Variants in VCP observed in about 807,000 individuals in gnomAD.
VCP encodes the protein valosin containing protein, also known as transitional endoplasmic reticulum ATPase.
Under a neutral mutation model 85.7 loss-of-function variants are expected in VCP, and 6 were observed. The ratio of observed to expected loss-of-function variants is 0.07; its 90% CI spans 0.04 to 0.14. The LOEUF (loss-of-function observed/expected upper bound fraction) is 0.14, where lower values mean the gene tolerates loss of function less well. Ranked by LOEUF, VCP falls within the 10% of genes least tolerant of loss-of-function variation. VCP has a pLI of 1.00. For missense variants in VCP, 353 were observed against 1,043.4 expected (o/e 0.34, Z 9.12); for synonymous variants, 384 against 367.1 (o/e 1.05, Z -0.53).
intron 15 of VCP, among the ~76,000 whole-genome samples, chr9:35,058,835 T>A (rs1445821366): frequency 6.6e-6 from 1 of 152,208 alleles, no homozygotes; most frequent in Non-Finnish European, 1.5e-5. Context: ...TACTTTGATT[T>A]CCCTCATGGA....
At position 35,066,836 on chromosome 9, in the gene VCP, C is replaced by T. The variant is rs1414768838; in HGVS notation, c.303-19G>A. 6 of 1,613,552 alleles carry T rather than the reference C, an allele frequency of 3.7e-6. No individual in the cohort carries two copies. The highest frequency in any genetic ancestry group is 2.2e-5 in the South Asian group (2 of 91,082). ...CTGGATGCTGAGGATGACAAGCAGA[C>T]TCCATATTACCAACCACACTTCGGG... On this transcript the variant is annotated intron_variant, in intron 3 of 16. Transcript: ENST00000358901.
chr9:35,063,202 C>CA, intron 6 of VCP, 122 bp from the exon 7 acceptor site: 1 of 840,760 alleles, frequency 1.2e-6, no homozygotes, highest in South Asian at 1.4e-5. Flanking sequence ...AGAATAAGCC[C>CA]TCCGCAGTAA....
chr9:35,072,166 C>T lies in VCP; in HGVS notation c.17+171G>A, dbSNP rs1261200719. On this transcript the variant is annotated intron_variant, in intron 1 of 16. Transcript: ENST00000358901. ...GGGGCGCGCGGGTGCGCAGCTGGCC[C>T]CAGCCGGGCCTGCCGGGTCCACGGC... is the stretch of plus-strand genomic sequence containing the variant. 2.1e-6 allele frequency: 3 copies of T among 1,410,802 alleles called. No homozygotes were observed. In the East Asian group the frequency reaches 9.4e-5, roughly 44 times the overall value. The allele number at this position is 1,410,802 out of a possible 1,614,324, so 87.4% of individuals were successfully genotyped here. A position where few individuals can be genotyped will look rare whatever the true frequency, so the allele number is the denominator to read the frequency against.
At chr9:35,066,258 C>G (rs1828827876) in intron 4 of VCP, among the ~76,000 whole-genome samples, 2 of 130,786 alleles carry the variant, frequency 1.5e-5, no homozygotes, top group South Asian at 5.1e-4. Context: ...TAGTGAGACC[C>G]TGTCTCTTTT....
At chr9:35,063,934 G>A (rs1205295457) in intron 6 of VCP, among the ~76,000 whole-genome samples, 1 of 152,176 alleles carries the variant, frequency 6.6e-6, no homozygotes, top group Non-Finnish European at 1.5e-5. Flanking sequence ...TGTTTTGTGC[G>A]CACACGCACA....
chr9:35,063,800 G>A (rs1041761307), intron 6 of VCP, among the ~76,000 whole-genome samples: 1 of 152,124 alleles, frequency 6.6e-6, no homozygotes, highest in Non-Finnish European at 1.5e-5. Flanking sequence ...ACTTCTACTG[G>A]GTGACATTGC....
intron 11 of VCP, 36 bp from the exon 12 acceptor site, chr9:35,060,959 C>G (rs1192712546): frequency 6.2e-7 from 1 of 1,614,022 alleles, no homozygotes; most frequent in East Asian, 2.2e-5. Context: ...TGAGACTTAT[C>G]AAGGGAGGGG....
At chr9:35,068,840 TATA>T (rs144026671) in intron 1 of VCP, among the ~76,000 whole-genome samples, 3,539 of 152,302 alleles carry the variant, frequency 0.023, 158 homozygotes, top group African/African-American at 0.08. Context: ...AAAGAAGGAA[TATA>T]ATACTTATCT....
chr9:35,063,937 C>T (rs1828778385), intron 6 of VCP, among the ~76,000 whole-genome samples: 1 of 152,250 alleles, frequency 6.6e-6, no homozygotes, highest in African/African-American at 2.4e-5. Context: ...TTTGTGCGCA[C>T]ACGCACACAA....
At chr9:35,058,188 C>G (rs897777557) in intron 15 of VCP, among the ~76,000 whole-genome samples, 10 of 152,050 alleles carry the variant, frequency 6.6e-5, no homozygotes, top group African/African-American at 2.4e-4. Context: ...GTGACTACCT[C>G]CTAGGATTAG....
intron 3 of VCP, among the ~76,000 whole-genome samples, 160 bp downstream of exon 3, chr9:35,067,731 C>G (rs1050313369): frequency 1.3e-5 from 2 of 152,116 alleles, no homozygotes; most frequent in African/African-American, 2.4e-5. Flanking sequence ...AGAACCAAAA[C>G]CTAAAGACAA....
At position 35,059,172 on chromosome 9, in the gene VCP, T is replaced by C. The variant is rs753011642; in HGVS notation, c.2052A>G (p.Gly684=). 12 of 1,613,986 alleles carry C rather than the reference T, an allele frequency of 7.4e-6. No homozygotes were observed. The East Asian group carries it at 2.5e-4, about 33-fold the overall frequency. ...GCTGGCAAATCTCTGTCAGGTCAGC[T>C]CCAGAGAAGCCATTAGTCATTTTAG... ...FLAKMTNGFS[G]ADLTEICQRA... Residue 684 remains glycine (G), a synonymous_variant, in exon 15 of 17, where the codon GGA becomes GGG. Coordinates refer to ENST00000358901, the MANE Select transcript of VCP (RefSeq NM_007126.5). The surrounding 1 kb of genome is among the most constrained non-coding windows in gnomAD (Gnocchi z 4.9).
chr9:35,057,188 T>G lies in VCP; in HGVS notation c.2350A>C (p.Ser784Arg). The G allele has an allele frequency of 6.2e-7, 1 of 1,614,214 alleles. No homozygotes were observed. Among genetic ancestry groups the G allele is most frequent in the Non-Finnish European group, 8.5e-7 (1 of 1,180,034 alleles). ...CCTGTGCCGCCTCCACTGCCCTGAC[T>G]GGGGCCAGCTCCACCCTGGTTCCCT... ...PSGNQGGAGP[S>R]QGSGGGTGGS... Residue 784 changes from serine to arginine, a missense_variant, in exon 17 of 17, where the codon AGT becomes CGT. Transcript: ENST00000358901.
Position 35,072,554 on chromosome 9 carries a change from GGTGGCA to G in VCP, c.-207_-202del, listed in dbSNP as rs920620336. 10 of 592,370 alleles carry G rather than the reference GGTGGCA, an allele frequency of 1.7e-5. No individual in the cohort carries two copies. The highest frequency in any genetic ancestry group is 4.4e-5 in the Admixed American group (1 of 22,846). 36.7% of individuals were successfully genotyped at this position (592,370 alleles called of 1,614,324 possible). A position where few individuals can be genotyped will look rare whatever the true frequency, so the allele number is the denominator to read the frequency against. ...AACAACGCTGGCTCCTGATCCGCGA[GGTGGCA>G]GTGGCAGTGGCAGCGGCAGCGGCAG... On this transcript the variant is annotated 5_prime_UTR_variant, in exon 1 of 17. Coordinates refer to ENST00000358901, the MANE Select transcript of VCP (RefSeq NM_007126.5).
rs750080784 is a variant in VCP, at chr9:35,067,905, T to C, written c.288A>G (p.Leu96=). The C allele has an allele frequency of 3.1e-6, 5 of 1,614,210 alleles. No homozygotes were observed. The highest frequency in any genetic ancestry group is 2.5e-6 in the Non-Finnish European group (3 of 1,180,040). The change falls in exon 3 of 17, where the codon CTA becomes CTG. Residue 96 remains leucine (L), a synonymous_variant. Coordinates refer to ENST00000358901, the MANE Select transcript of VCP (RefSeq NM_007126.5). ...RVVRNNLRVR[L]GDVISIQPCP... is the part of the protein sequence containing the mutation. ...CCCACACACACCTGATGACATCCCC[T>C]AGGCGTACACGAAGGTTATTCCGAA...
Position 35,059,775 on chromosome 9 carries a change from T to G in VCP, c.1722A>C (p.Leu574=), listed in dbSNP as rs563516701. Reference sequence around the variant, plus strand: ...CAATCGAATCCAGCTCATCAAAGAATAGCACACAGGGGGCAGCTTGGCGGG... The same window carrying G: ...CAATCGAATCCAGCTCATCAAAGAAGAGCACACAGGGGGCAGCTTGGCGGG... ...DKARQAAPCV[L]FFDELDSIAK... is the part of the protein sequence containing the mutation. The change falls in exon 14 of 17, where the codon CTA becomes CTC. Residue 574 remains leucine (L), a synonymous_variant. Transcript: ENST00000358901. This position sits in a 1 kb window ranked among gnomAD's most constrained non-coding sequence, Gnocchi z 4.9. 6.2e-7 allele frequency: 1 copy of G among 1,614,038 alleles called. No individual in the cohort carries two copies. Among genetic ancestry groups the G allele is most frequent in the Non-Finnish European group, 8.5e-7 (1 of 1,180,008 alleles).
intron 1 of VCP, chr9:35,071,931 T>G (rs1281453267): frequency 1.9e-6 from 2 of 1,035,110 alleles, no homozygotes; most frequent in Non-Finnish European, 2.3e-6. Flanking sequence ...GCCTGCTCTC[T>G]CCGGGGACCA....
At chr9:35,061,409 A>G (rs1469366913) in intron 10 of VCP, among the ~76,000 whole-genome samples, 168 bp downstream of exon 10, 1 of 152,232 alleles carries the variant, frequency 6.6e-6, no homozygotes, top group Non-Finnish European at 1.5e-5. Context: ...AGCGTCAACT[A>G]TGAAAAATGC....
chr9:35,060,249 A>C, intron 13 of VCP, 64 bp downstream of exon 13: 2 of 1,551,992 alleles, frequency 1.3e-6, no homozygotes, highest in Non-Finnish European at 1.8e-6. Flanking sequence ...CCTCTTAAAG[A>C]AAAACAGCCT....
Sources: gnomAD v4.1 joint callset for allele counts (sites outside exome capture counted in the v4.1 genomes callset) on GRCh38, gnomAD v4.1.1 for gene constraint, Gnocchi (gnomAD v3.1) non-coding constraint, MANE v1.5 for transcripts, NCBI Gene and HGNC (gene_info 2026-07-23, HGNC 2026-07-21) for gene names.